Variants in NELL1 observed in about 807,000 individuals in gnomAD.
NELL1 encodes protein kinase C-binding protein NELL1.
In NELL1, 76 loss-of-function variants were observed where a neutral mutation model predicts 107.4. The ratio of observed to expected loss-of-function variants is 0.71; its 90% CI spans 0.59 to 0.86. The LOEUF is 0.86. Among genes scored for constraint, NELL1 ranks in the 40% least tolerant of loss-of-function variants. The probability of loss-of-function intolerance (pLI) is 0.00; values close to 1 mark genes in which losing one functional copy is unlikely to be tolerated. For missense variants in NELL1, 1,024 were observed against 1,005.5 expected (o/e 1.02, Z -0.25); for synonymous variants, 353 against 341.2 (o/e 1.03, Z -0.38).
At chr11:20,696,710 T>C (rs1854627219) in intron 2 of NELL1, among the ~76,000 whole-genome samples, 1 of 152,156 alleles carries the variant, frequency 6.6e-6, no homozygotes. Flanking sequence ...TTATTTTTTG[T>C]CATCTGACAC....
intron 2 of NELL1, among the ~76,000 whole-genome samples, chr11:20,698,460 T>C (rs938154115): frequency 9.8e-5 from 15 of 152,350 alleles, no homozygotes; most frequent in African/African-American, 3.6e-4. Context: ...AGAATTATTT[T>C]AGAAACTATT....
intron 3 of NELL1, among the ~76,000 whole-genome samples, chr11:20,807,789 C>T (rs967491197): frequency 1.2e-4 from 19 of 152,172 alleles, no homozygotes; most frequent in Admixed American, 7.2e-4. Flanking sequence ...GTTTTCCTTC[C>T]CCTTTTCCCA....
chr11:21,538,502 CTGTCTCTCTCTT>C (rs1436829091), intron 16 of NELL1, among the ~76,000 whole-genome samples: 3 of 151,866 alleles, frequency 2.0e-5, no homozygotes, highest in African/African-American at 2.4e-5. Context: ...GTCTCTCTCT[CTGTCTCTCTCTT>C]TGTCTGTCTC....
intron 11 of NELL1, among the ~76,000 whole-genome samples, chr11:20,959,545 C>T (rs755689830): frequency 2.0e-5 from 3 of 152,132 alleles, no homozygotes; most frequent in Non-Finnish European, 2.9e-5. Context: ...GAGACTATTA[C>T]TCTCAGTGAA....
chr11:20,991,685 C>G (rs1186714349), intron 12 of NELL1, among the ~76,000 whole-genome samples: 1 of 152,164 alleles, frequency 6.6e-6, no homozygotes, highest in East Asian at 1.9e-4. Context: ...ATGCCTCAGT[C>G]AATGCCTCCT....
At chr11:21,546,601 A>C (rs985771096) in intron 16 of NELL1, among the ~76,000 whole-genome samples, 9 of 151,688 alleles carry the variant, frequency 5.9e-5, no homozygotes, top group Non-Finnish European at 1.3e-4. Flanking sequence ...CCCTGCACAC[A>C]CTCTATTGCC....
At chr11:20,959,553 G>T (rs7948456) in intron 11 of NELL1, among the ~76,000 whole-genome samples, 4,667 of 152,242 alleles carry the variant, frequency 0.031, 229 homozygotes, top group African/African-American at 0.11. Flanking sequence ...TACTCTCAGT[G>T]AAGTAACCCA....
At chr11:21,558,485 A>C (rs1856774198) in intron 16 of NELL1, among the ~76,000 whole-genome samples, 1 of 151,922 alleles carries the variant, frequency 6.6e-6, no homozygotes, top group African/African-American at 2.4e-5. Context: ...CTTGTTATTA[A>C]CTACAGTCAT....
intron 13 of NELL1, among the ~76,000 whole-genome samples, chr11:21,196,901 T>C (rs1857166616): frequency 6.9e-6 from 1 of 145,252 alleles, no homozygotes; most frequent in African/African-American, 2.6e-5. Flanking sequence ...TTTTTTTTTC[T>C]CACTCTGTTG....
chr11:20,979,383 C>T (rs796557927), intron 12 of NELL1, among the ~76,000 whole-genome samples: 42 of 152,158 alleles, frequency 2.8e-4, no homozygotes, highest in African/African-American at 9.4e-4. Flanking sequence ...TTTGTGTGTG[C>T]ACACGTGTGT....
intron 13 of NELL1, among the ~76,000 whole-genome samples, chr11:21,193,444 A>G (rs1053381455): frequency 1.3e-5 from 2 of 151,866 alleles, no homozygotes; most frequent in Admixed American, 1.3e-4. Flanking sequence ...TATATAAGGC[A>G]TTTTGTCACT....
intron 15 of NELL1, among the ~76,000 whole-genome samples, chr11:21,454,451 CT>C (rs1853670508): frequency 6.6e-6 from 1 of 152,154 alleles, no homozygotes; most frequent in African/African-American, 2.4e-5. Flanking sequence ...GTAAATTTAT[CT>C]TTCCCCCATT....
rs66707466 is a variant in NELL1 at position 21,522,834 on chromosome 11, C to CTTTTTTTTT, written c.1646-11524_1646-11516dup. ...ATCTTGAATCCTATTTTTTTCTTTT[C>CTTTTTTTTT]TTTTTTTTTTTTTTTTTTTTTTTTG... On this transcript the variant is annotated intron_variant, in intron 15 of 19. Transcript: ENST00000357134. 5.1e-4 allele frequency among the ~76,000 whole-genome samples: 35 copies of CTTTTTTTTT among 68,446 alleles called. 4 individuals carry two copies. The highest frequency in any genetic ancestry group is 7.9e-4 in the Non-Finnish European group (31 of 39,464). The allele number at this position is 68,446 out of a possible 152,430, so 44.9% of individuals were successfully genotyped here. A position where few individuals can be genotyped will look rare whatever the true frequency, so the allele number is the denominator to read the frequency against.
intron 3 of NELL1, among the ~76,000 whole-genome samples, chr11:20,823,755 A>C (rs1332728385): frequency 6.6e-6 from 1 of 151,048 alleles, no homozygotes; most frequent in African/African-American, 2.4e-5. Context: ...GCCCTCTCTC[A>C]AAAAGGCCAT....
At chr11:20,857,096 A>G (rs571234524) in intron 4 of NELL1, among the ~76,000 whole-genome samples, 1 of 152,286 alleles carries the variant, frequency 6.6e-6, no homozygotes, top group Non-Finnish European at 1.5e-5. Flanking sequence ...TGCCCTGCTG[A>G]TGCTGTGCAT....
At chr11:21,522,767 T>A (rs1855758248) in intron 15 of NELL1, among the ~76,000 whole-genome samples, 1 of 152,114 alleles carries the variant, frequency 6.6e-6, no homozygotes, top group Non-Finnish European at 1.5e-5. Context: ...GCCAATTCAT[T>A]CTTTTTATGA....
intron 14 of NELL1, among the ~76,000 whole-genome samples, chr11:21,331,587 C>T (rs1215087567): frequency 6.6e-6 from 1 of 152,034 alleles, no homozygotes; most frequent in Non-Finnish European, 1.5e-5. Context: ...TGGTAATACA[C>T]TCAGGTATTA....
intron 5 of NELL1, among the ~76,000 whole-genome samples, chr11:20,892,030 A>G (rs1590386185): frequency 6.6e-6 from 1 of 152,336 alleles, no homozygotes; most frequent in East Asian, 1.9e-4. Flanking sequence ...AGATGTCTAC[A>G]GAACTCTCCA....
At chr11:20,753,653 A>C (rs912353197) in intron 2 of NELL1, among the ~76,000 whole-genome samples, 2 of 152,228 alleles carry the variant, frequency 1.3e-5, no homozygotes, top group Non-Finnish European at 2.9e-5. Flanking sequence ...AAAAGGGAGA[A>C]ATTAATTAGC....
Sources: allele counts gnomAD v4.1 joint callset (sites outside exome capture counted in the v4.1 genomes callset), GRCh38; gene constraint gnomAD v4.1.1; transcripts MANE v1.5; gene names NCBI Gene and HGNC (gene_info 2026-07-23, HGNC 2026-07-21).